CDYL2: variants seen among roughly 807,000 people sequenced by gnomAD.
CDYL2 encodes the protein chromodomain Y like 2.
A neutral mutation model predicts 49.4 loss-of-function variants in CDYL2; 23 were observed. The ratio of observed to expected loss-of-function variants is 0.47; its 90% CI spans 0.34 to 0.66. The LOEUF (loss-of-function observed/expected upper bound fraction) is 0.66. Among genes scored for constraint, CDYL2 ranks in the 30% least tolerant of loss-of-function variants. CDYL2 has a pLI of 0.01. For synonymous variants in CDYL2, 360 were observed against 268.8 expected (o/e 1.34, Z -3.32); for missense variants, 678 against 656.4 (o/e 1.03, Z -0.36).
intron 1 of CDYL2, among the ~76,000 whole-genome samples, chr16:80,689,672 C>A (rs527606108): frequency 6.6e-6 from 1 of 152,160 alleles, no homozygotes; most frequent in African/African-American, 2.4e-5. Context: ...AACGGCTTCA[C>A]GGAAGTGACG....
intron 2 of CDYL2, among the ~76,000 whole-genome samples, chr16:80,634,435 G>A (rs1248428130): frequency 2.0e-5 from 3 of 152,294 alleles, no homozygotes; most frequent in South Asian, 2.1e-4. Flanking sequence ...ACATAGGTGG[G>A]AATTGAACAA....
intron 1 of CDYL2, among the ~76,000 whole-genome samples, chr16:80,706,059 T>G (rs559540452): frequency 2.6e-5 from 4 of 152,334 alleles, no homozygotes; most frequent in African/African-American, 9.6e-5. Context: ...GAACTTAGCA[T>G]CCAGTGTAGA....
At chr16:80,725,704 C>T (rs984981167) in intron 1 of CDYL2, among the ~76,000 whole-genome samples, 3 of 152,206 alleles carry the variant, frequency 2.0e-5, no homozygotes, top group African/African-American at 7.2e-5. Context: ...CCGGACTGAA[C>T]TGAAAAAACA....
At chr16:80,671,540 G>T (rs899312134) in intron 2 of CDYL2, among the ~76,000 whole-genome samples, 7 of 152,134 alleles carry the variant, frequency 4.6e-5, no homozygotes, top group Non-Finnish European at 1.0e-4. Context: ...CATGCTCTGG[G>T]CTCTCCTCCT....
intron 2 of CDYL2, among the ~76,000 whole-genome samples, chr16:80,660,908 A>T (rs1156715993): frequency 1.3e-5 from 2 of 152,294 alleles, no homozygotes. Context: ...AGAAGGAAAG[A>T]TAGAAACTTG....
rs193251514 is a variant in CDYL2, at chr16:80,599,215, A to G, written c.*5173T>C. ...AGATATGGGTTTTTCTGACTGCCACACACACTGCAAAAATTTAAAGCAAAT... is the reference window on the plus strand; with the variant it reads ...AGATATGGGTTTTTCTGACTGCCACGCACACTGCAAAAATTTAAAGCAAAT... On this transcript the variant is annotated 3_prime_UTR_variant, in exon 7 of 7. Coordinates refer to ENST00000570137, the MANE Select transcript of CDYL2 (RefSeq NM_152342.4). 3.9e-5 allele frequency: 6 copies of G among 152,344 alleles called. No homozygotes were observed. Among genetic ancestry groups the G allele is most frequent in the Admixed American group, 3.9e-4 (6 of 15,304 alleles). The allele number at this position is 152,344 out of a possible 1,614,324, so 9.4% of individuals were successfully genotyped here.
intron 1 of CDYL2, among the ~76,000 whole-genome samples, chr16:80,740,740 T>G (rs1476647593): frequency 6.6e-6 from 1 of 151,830 alleles, no homozygotes; most frequent in African/African-American, 2.4e-5. Context: ...AGAAAAAAAG[T>G]CTATTTATAA....
rs76730823 is a variant in CDYL2 at position 80,788,658 on chromosome 16, G to A, written c.24+15492C>T. On this transcript the variant is annotated intron_variant, in intron 1 of 6. Transcript: ENST00000570137. Reference sequence around the variant, plus strand: ...TATAATTTATCAAGAGATGATTAGAGGCACCTAGGATGACTGGCTTAAATG... The same window carrying A: ...TATAATTTATCAAGAGATGATTAGAAGCACCTAGGATGACTGGCTTAAATG... Among the ~76,000 whole-genome samples the A allele has an allele frequency of 7.7e-3, 1,167 of 152,298 alleles. 19 individuals carry two copies. The highest frequency in any genetic ancestry group is 0.027 in the African/African-American group (1,110 of 41,550).
intron 1 of CDYL2, among the ~76,000 whole-genome samples, chr16:80,711,585 A>G (rs1383660762): frequency 3.3e-5 from 5 of 152,162 alleles, no homozygotes; most frequent in Non-Finnish European, 7.4e-5. Flanking sequence ...TCTGATTTTT[A>G]ATTTGAGCTA....
At chr16:80,766,900 T>C (rs1906746180) in intron 1 of CDYL2, among the ~76,000 whole-genome samples, 1 of 152,032 alleles carries the variant, frequency 6.6e-6, no homozygotes, top group South Asian at 2.1e-4. Flanking sequence ...CAGGCACTGG[T>C]TTTTACAAAT....
chr16:80,697,048 G>A (rs957695095), intron 1 of CDYL2, among the ~76,000 whole-genome samples: 1 of 152,094 alleles, frequency 6.6e-6, no homozygotes, highest in Non-Finnish European at 1.5e-5. Flanking sequence ...AACTGAAGGG[G>A]AGGGAATTAT....
At chr16:80,729,312 T>A (rs1164703213) in intron 1 of CDYL2, among the ~76,000 whole-genome samples, 3 of 151,636 alleles carry the variant, frequency 2.0e-5, no homozygotes, top group Admixed American at 1.3e-4. Context: ...TAGTCTCTGA[T>A]AAAACAGACT....
chr16:80,600,518 T>C lies in CDYL2; in HGVS notation c.*3870A>G, dbSNP rs552921554. On this transcript the variant is annotated 3_prime_UTR_variant, in exon 7 of 7. Coordinates refer to ENST00000570137, the MANE Select transcript of CDYL2 (RefSeq NM_152342.4). ...AGGCAAAGTGTAGATGTTTAAAGAT[T>C]ATACAAAACCATTTACAGAGAATAA... 6.6e-6 allele frequency: 1 copy of C among 152,150 alleles called. No individual in the cohort carries two copies. Among genetic ancestry groups the C allele is most frequent in the Non-Finnish European group, 1.5e-5 (1 of 68,028 alleles). The allele number at this position is 152,150 out of a possible 1,614,324, so 9.4% of individuals were successfully genotyped here.
intron 2 of CDYL2, among the ~76,000 whole-genome samples, chr16:80,641,335 A>AAAAAC (rs551558486): frequency 6.6e-5 from 10 of 152,278 alleles, no homozygotes; most frequent in East Asian, 1.9e-4. Flanking sequence ...GAGAAAAACA[A>AAAAAC]AAAACAAAAC....
intron 2 of CDYL2, among the ~76,000 whole-genome samples, chr16:80,673,582 A>T (rs1487067537): frequency 6.6e-6 from 1 of 152,208 alleles, no homozygotes; most frequent in Non-Finnish European, 1.5e-5. Flanking sequence ...AATAATCTAG[A>T]CGACAAAATT....
At chr16:80,678,899 T>G (rs1909861326) in intron 2 of CDYL2, among the ~76,000 whole-genome samples, 1 of 151,166 alleles carries the variant, frequency 6.6e-6, no homozygotes, top group African/African-American at 2.5e-5. Context: ...TAAGAAAATG[T>G]GGCACATATA....
In CDYL2 at chr16:80,644,238, C is replaced by A. The variant is rs185128736; in HGVS notation, c.617-11002G>T. On this transcript the variant is annotated intron_variant, in intron 2 of 6. Transcript: ENST00000570137. ...GTGCCACCTTTGCTCCAGTTCCCAA[C>A]AAATTCCTCATCTCCATCTGAGACC... 5.9e-5 allele frequency among the ~76,000 whole-genome samples: 9 copies of A among 152,330 alleles called. No homozygotes were observed. The East Asian group carries it at 1.5e-3, about 26-fold the overall frequency.
intron 1 of CDYL2, among the ~76,000 whole-genome samples, chr16:80,748,877 C>G (rs1346483653): frequency 1.3e-5 from 2 of 152,026 alleles, no homozygotes; most frequent in Non-Finnish European, 2.9e-5. Context: ...ACCAAATTAG[C>G]TCACCCTGAT....
intron 1 of CDYL2, among the ~76,000 whole-genome samples, chr16:80,731,871 G>A (rs1357149345): frequency 1.3e-5 from 2 of 148,844 alleles, no homozygotes; most frequent in South Asian, 2.1e-4. Flanking sequence ...AATCAACAAA[G>A]AGCATACATG....
Sources: allele counts gnomAD v4.1 joint callset (sites outside exome capture counted in the v4.1 genomes callset), GRCh38; gene constraint gnomAD v4.1.1; transcripts MANE v1.5; gene names NCBI Gene and HGNC (gene_info 2026-07-23, HGNC 2026-07-21).